ASIC2: variants seen among roughly 807,000 people sequenced by gnomAD.
ASIC2 encodes the protein acid-sensing ion channel 2.
Under a neutral mutation model 57.3 loss-of-function variants are expected in ASIC2, and 25 were observed. That is an observed-to-expected ratio of 0.44 (90% confidence interval 0.32 to 0.61). ASIC2 has a LOEUF of 0.61. ASIC2 is among the 20% of genes least tolerant of loss of function. ASIC2 has a pLI of 0.06. For synonymous variants in ASIC2, 319 were observed against 307.5 expected (o/e 1.04, Z -0.39); for missense variants, 641 against 738.1 (o/e 0.87, Z 1.52).
chr17:33,075,089 C>T (rs994232588), intron 3 of ASIC2, among the ~76,000 whole-genome samples: 5 of 152,106 alleles, frequency 3.3e-5, no homozygotes, highest in Non-Finnish European at 5.9e-5. Flanking sequence ...AATTGTAACT[C>T]CCACAATTCC....
At chr17:33,058,627 C>T (rs2092007975) in intron 3 of ASIC2, among the ~76,000 whole-genome samples, 2 of 152,056 alleles carry the variant, frequency 1.3e-5, no homozygotes, top group African/African-American at 4.8e-5. Context: ...GTCAGCTGTC[C>T]AGTAACCATC....
At chr17:33,623,242 TTTTGTTTGTTTG>T (rs142797034) in intron 1 of ASIC2, among the ~76,000 whole-genome samples, 979 of 73,870 alleles carry the variant, frequency 0.013, 11 homozygotes, top group Non-Finnish European at 0.02. Flanking sequence ...TATCGTTTTT[TTTTGTTTGTTTG>T]TTTGTTTGTT....
chr17:34,042,326 A>G (rs928510824), intron 1 of ASIC2, among the ~76,000 whole-genome samples: 8 of 152,186 alleles, frequency 5.3e-5, no homozygotes, highest in African/African-American at 1.9e-4. Context: ...CAACCCAAAC[A>G]TCCATCAACA....
chr17:34,075,616 A>C (rs958143704), intron 1 of ASIC2, among the ~76,000 whole-genome samples: 26 of 152,090 alleles, frequency 1.7e-4, no homozygotes, highest in African/African-American at 6.3e-4. Flanking sequence ...CCACATGAAG[A>C]AGAAGCTACA....
chr17:34,008,069 A>G (rs9895460), intron 1 of ASIC2, among the ~76,000 whole-genome samples: 50,492 of 152,002 alleles, frequency 0.33, 10,731 homozygotes, highest in East Asian at 0.59. Context: ...GCGTATGTAC[A>G]GTATAGTTCC....
At chr17:33,161,957 T>C (rs1719182246) in intron 1 of ASIC2, among the ~76,000 whole-genome samples, 1 of 135,994 alleles carries the variant, frequency 7.4e-6, no homozygotes, top group South Asian at 2.4e-4. Flanking sequence ...GAGATCAGCA[T>C]AAGGTAAAGA....
At chr17:33,309,154 T>C (rs921609804) in intron 1 of ASIC2, among the ~76,000 whole-genome samples, 2 of 152,200 alleles carry the variant, frequency 1.3e-5, no homozygotes, top group Non-Finnish European at 2.9e-5. Flanking sequence ...CTCCTTTTTT[T>C]TTTCTTTCTT....
intron 1 of ASIC2, among the ~76,000 whole-genome samples, chr17:34,020,987 T>C (rs1408179052): frequency 6.6e-6 from 1 of 152,046 alleles, no homozygotes; most frequent in African/African-American, 2.4e-5. Flanking sequence ...TATCACCCAA[T>C]ACCATGACTG....
At chr17:33,036,243 C>A (rs2091908013) in intron 3 of ASIC2, among the ~76,000 whole-genome samples, 1 of 151,996 alleles carries the variant, frequency 6.6e-6, no homozygotes, top group East Asian at 1.9e-4. Context: ...GATGAGGAAA[C>A]TGAGTTTCAG....
At chr17:33,901,598 G>A (rs1410269244) in intron 1 of ASIC2, among the ~76,000 whole-genome samples, 1 of 152,166 alleles carries the variant, frequency 6.6e-6, no homozygotes, top group Non-Finnish European at 1.5e-5. Context: ...AGCTGGGAAA[G>A]CAGGTTTTAA....
chr17:33,596,960 A>G (rs1186424042), intron 1 of ASIC2, among the ~76,000 whole-genome samples: 1 of 152,242 alleles, frequency 6.6e-6, no homozygotes, highest in Non-Finnish European at 1.5e-5. Context: ...AAAAAGACCC[A>G]GGATTTCTGG....
At chr17:33,945,171 A>C (rs1179701515) in intron 1 of ASIC2, among the ~76,000 whole-genome samples, 1 of 152,238 alleles carries the variant, frequency 6.6e-6, no homozygotes, top group Non-Finnish European at 1.5e-5. Context: ...CTTGATCTCC[A>C]GTCACTTAAC....
chr17:33,307,957 C>T (rs536288665), intron 1 of ASIC2, among the ~76,000 whole-genome samples: 22 of 152,282 alleles, frequency 1.4e-4, no homozygotes, highest in South Asian at 4.1e-4. Context: ...AATTGTGCAA[C>T]GGTTGTTAGC....
chr17:33,683,997 T>G (rs1222324651), intron 1 of ASIC2, among the ~76,000 whole-genome samples: 2 of 152,236 alleles, frequency 1.3e-5, no homozygotes, highest in Admixed American at 6.5e-5. Flanking sequence ...TTTAACCCAA[T>G]AACAGTCAGC....
At chr17:33,557,103 A>G (rs1415329251) in intron 1 of ASIC2, among the ~76,000 whole-genome samples, 1 of 152,184 alleles carries the variant, frequency 6.6e-6, no homozygotes, top group Non-Finnish European at 1.5e-5. Context: ...TATGCTGACC[A>G]CTTTCCAAGA....
chr17:33,911,923 C>T (rs547259432), intron 1 of ASIC2, among the ~76,000 whole-genome samples: 1 of 152,114 alleles, frequency 6.6e-6, no homozygotes, highest in Non-Finnish European at 1.5e-5. Flanking sequence ...GGCAGATCAC[C>T]TGAGGTCGGG....
chr17:33,386,662 C>G lies in ASIC2; in HGVS notation c.556-274595G>C, dbSNP rs573569728. ...CAGGAGCAAGAGTGATCTGTTGGGT[C>G]ACATACGCCCCTGCTCTATGGTTTT... On this transcript the variant is annotated intron_variant, in intron 1 of 9. Transcript: ENST00000359872. Among the ~76,000 whole-genome samples the G allele has an allele frequency of 1.2e-4, 18 of 152,298 alleles. No individual in the cohort carries two copies. In the South Asian group the frequency reaches 3.7e-3, roughly 32 times the overall value.
intron 1 of ASIC2, among the ~76,000 whole-genome samples, chr17:33,579,713 C>T (rs1007059382): frequency 6.6e-6 from 1 of 152,172 alleles, no homozygotes; most frequent in South Asian, 2.1e-4. Context: ...GCCAGCGTTA[C>T]AACTGTTAAA....
chr17:33,999,747 TA>T (rs1345366245), intron 1 of ASIC2, among the ~76,000 whole-genome samples: 7 of 152,168 alleles, frequency 4.6e-5, no homozygotes, highest in Admixed American at 4.6e-4. Flanking sequence ...ATAGTTATTT[TA>T]ATATCTTTTC....
Sources: gnomAD v4.1 joint callset for allele counts (sites outside exome capture counted in the v4.1 genomes callset) on GRCh38, gnomAD v4.1.1 for gene constraint, MANE v1.5 for transcripts, NCBI Gene and HGNC (gene_info 2026-07-23, HGNC 2026-07-21) for gene names.